FRAS1: variants seen among roughly 807,000 people sequenced by gnomAD.
FRAS1 encodes Fraser extracellular matrix complex subunit 1.
In FRAS1, 290 loss-of-function variants were observed where a neutral mutation model predicts 435.2. The ratio of observed to expected loss-of-function variants is 0.67; its 90% confidence interval spans 0.61 to 0.73. FRAS1 has a LOEUF of 0.73. FRAS1 is among the 30% of genes least tolerant of loss of function. The probability of loss-of-function intolerance (pLI) is 0.00; values close to 1 mark genes in which losing one functional copy is unlikely to be tolerated. For synonymous variants in FRAS1, 1,800 were observed against 1,851.0 expected, an observed-to-expected ratio of 0.97 and a Z score of 0.71; for missense variants, 4,860 against 5,001.5, an observed-to-expected ratio of 0.97 and a Z score of 0.85.
At chr4:78,317,313 G>A in intron 16 of FRAS1, 55 bp from the exon 17 acceptor site, 3 of 1,603,140 alleles carry the variant, frequency 1.9e-6, no homozygotes, top group South Asian at 1.1e-5. Context: ...GCCAGGAAGT[G>A]GGCACTTTAT....
intron 57 of FRAS1, 58 bp downstream of exon 57, chr4:78,482,022 C>G (rs2109859638): frequency 6.5e-7 from 1 of 1,539,318 alleles, no homozygotes; most frequent in African/African-American, 1.4e-5. Flanking sequence ...TGAATGTTGT[C>G]TTTAGTTTGC....
chr4:78,429,553 C>CT (rs1365135628), intron 36 of FRAS1, among the ~76,000 whole-genome samples: 1 of 152,080 alleles, frequency 6.6e-6, no homozygotes, highest in Non-Finnish European at 1.5e-5. Flanking sequence ...AATGGCGGCT[C>CT]TTGTTTCTAT....
chr4:78,092,653 TATC>T (rs1168099797), intron 2 of FRAS1, among the ~76,000 whole-genome samples: 3 of 152,176 alleles, frequency 2.0e-5, no homozygotes, highest in African/African-American at 7.2e-5. Flanking sequence ...AGCCAAACCA[TATC>T]ATAGGCATTT....
intron 2 of FRAS1, among the ~76,000 whole-genome samples, chr4:78,210,247 C>T (rs538772762): frequency 1.3e-5 from 2 of 152,322 alleles, no homozygotes; most frequent in African/African-American, 4.8e-5. Flanking sequence ...GGGACCACCT[C>T]CCAGAAGCCT....
intron 42 of FRAS1, chr4:78,446,039 G>T: frequency 1.7e-6 from 2 of 1,203,592 alleles, no homozygotes; most frequent in South Asian, 3.9e-5. Flanking sequence ...AATTGTGTTT[G>T]GTTCTATATG....
intron 2 of FRAS1, among the ~76,000 whole-genome samples, chr4:78,133,855 C>T (rs1719798173): frequency 6.6e-6 from 1 of 151,744 alleles, no homozygotes. Flanking sequence ...TTGAAAGGAT[C>T]TTTTGGGTCA....
At chr4:78,441,392 A>G (rs1701118100) in intron 41 of FRAS1, 95 bp downstream of exon 41, 1 of 1,170,052 alleles carries the variant, frequency 8.5e-7, no homozygotes. Flanking sequence ...ATGGAGAACT[A>G]CAGAGGAGGG....
At chr4:78,306,903 G>A (rs1415193167) in intron 14 of FRAS1, among the ~76,000 whole-genome samples, 1 of 152,162 alleles carries the variant, frequency 6.6e-6, no homozygotes, top group Non-Finnish European at 1.5e-5. Flanking sequence ...TTCCGTTGCT[G>A]GTGAGGAACT....
At chr4:78,210,142 C>T (rs1440665510) in intron 2 of FRAS1, among the ~76,000 whole-genome samples, 1 of 152,220 alleles carries the variant, frequency 6.6e-6, no homozygotes, top group African/African-American at 2.4e-5. Flanking sequence ...TGCACTTCCT[C>T]TTCCTGGAAC....
intron 17 of FRAS1, among the ~76,000 whole-genome samples, chr4:78,318,277 C>T (rs1019666291): frequency 6.6e-6 from 1 of 152,136 alleles, no homozygotes; most frequent in Non-Finnish European, 1.5e-5. Context: ...TGCTTTTCAC[C>T]AGTAGCCAGG....
intron 9 of FRAS1, among the ~76,000 whole-genome samples, chr4:78,267,896 A>C (rs12501798): frequency 0.28 from 42,649 of 152,152 alleles, 6,841 homozygotes; most frequent in East Asian, 0.38. Flanking sequence ...AGGAAAAAAC[A>C]TAACATGCTT....
Position 78,077,847 on chromosome 4 carries a change from T to C in FRAS1, c.108+11831T>C, listed in dbSNP as rs1193093726. On this transcript the variant is annotated intron_variant, in intron 2 of 73. Transcript: ENST00000512123. ...AAGAACTTTCTTTTTTGTTTTTTTC[T>C]AAGAGAAAATGGCCATGTTGCTTTA... 2.6e-5 allele frequency among the ~76,000 whole-genome samples: 4 copies of C among 151,534 alleles called. No individual in the cohort carries two copies. In the South Asian group the frequency reaches 8.3e-4, roughly 32 times the overall value.
rs773586820 is a variant in FRAS1, at chr4:78,266,958, C to T, written c.789+23C>T. ...AAGGTATTTGAGAGTGTGTACCTTACTTGTTTAAGCTCTTTTCTGGGTCAT... is the reference window on the plus strand; with the variant it reads ...AAGGTATTTGAGAGTGTGTACCTTATTTGTTTAAGCTCTTTTCTGGGTCAT... On this transcript the variant is annotated intron_variant, in intron 8 of 73. Coordinates refer to ENST00000512123, the MANE Select transcript of FRAS1 (RefSeq NM_025074.7). 5.4e-6 allele frequency: 8 copies of T among 1,488,176 alleles called. No homozygotes were observed. The Admixed American group carries it at 1.1e-4, about 21-fold the overall frequency. 92.2% of individuals were successfully genotyped at this position (1,488,176 alleles called of 1,614,324 possible).
chr4:78,451,986 C>A, intron 46 of FRAS1, 95 bp downstream of exon 46: 1 of 1,356,184 alleles, frequency 7.4e-7, no homozygotes, highest in Non-Finnish European at 1.0e-6. Context: ...CGAGTCCTTC[C>A]CTTTACCTAG....
intron 30 of FRAS1, among the ~76,000 whole-genome samples, chr4:78,403,106 C>G (rs913782097): frequency 2.0e-5 from 3 of 152,106 alleles, no homozygotes; most frequent in African/African-American, 7.2e-5. Flanking sequence ...TGATTTTAAG[C>G]TAGATATTTT....
intron 20 of FRAS1, among the ~76,000 whole-genome samples, chr4:78,343,885 C>A (rs1431180422): frequency 6.6e-6 from 1 of 152,188 alleles, no homozygotes. Flanking sequence ...GCAGCTTCTA[C>A]TGTGCGGGGG....
At chr4:78,400,646 A>C in intron 29 of FRAS1, 88 bp from the exon 30 acceptor site, 2 of 1,328,402 alleles carry the variant, frequency 1.5e-6, no homozygotes, top group Non-Finnish European at 1.0e-6. Flanking sequence ...GATCTTTAAC[A>C]ACAACAGAAC....
intron 6 of FRAS1, among the ~76,000 whole-genome samples, chr4:78,263,412 T>C (rs1482945726): frequency 6.6e-6 from 1 of 152,202 alleles, no homozygotes; most frequent in Non-Finnish European, 1.5e-5. Flanking sequence ...TCAACCACCA[T>C]ACAGGTAATA....
intron 47 of FRAS1, among the ~76,000 whole-genome samples, chr4:78,460,560 A>G (rs1038342172): frequency 1.3e-5 from 2 of 152,210 alleles, no homozygotes; most frequent in African/African-American, 4.8e-5. Context: ...ATAGTCATGT[A>G]TTGCGTAACA....
Sources: gnomAD v4.1 joint callset for allele counts (sites outside exome capture counted in the v4.1 genomes callset) on GRCh38, gnomAD v4.1.1 for gene constraint, MANE v1.5 for transcripts, NCBI Gene and HGNC (gene_info 2026-07-23, HGNC 2026-07-21) for gene names.